ANKRD11: variants seen among roughly 807,000 people sequenced by gnomAD.
The protein encoded by ANKRD11 is ankyrin repeat domain 11.
Under a neutral mutation model 195.7 loss-of-function variants are expected in ANKRD11, and 17 were observed. That is an observed-to-expected ratio of 0.09 (90% CI 0.06 to 0.13). The LOEUF (loss-of-function observed/expected upper bound fraction) is 0.13. ANKRD11 is among the 10% of genes least tolerant of loss of function. The pLI is 1.00. For synonymous variants in ANKRD11, 1,953 were observed against 1,528.1 expected (o/e 1.28, Z -6.49); for missense variants, 3,735 against 3,566.1 (o/e 1.05, Z -1.21).
chr16:89,281,148 G>A lies in ANKRD11; in HGVS notation c.5394C>T (p.Thr1798=), dbSNP rs1331868358. 6.2e-7 allele frequency: 1 copy of A among 1,613,890 alleles called. No individual in the cohort carries two copies. Among genetic ancestry groups the A allele is most frequent in the South Asian group, 1.1e-5 (1 of 91,082 alleles). Residue 1798 remains threonine, a synonymous_variant, in exon 9 of 13, where the codon ACC becomes ACT. Transcript: ENST00000301030. The surrounding 1 kb of genome is among the most constrained non-coding windows in gnomAD (Gnocchi z 5.5). ...CTCCGACGCTGAATTCTTCCTCGGG[G>A]GTCCTCCTAATGTCGACAGAGACCG... is the stretch of plus-strand genomic sequence containing the variant. ...YRSVSVDIRR[T]PEEEFSVGDK... is the part of the protein sequence containing the mutation.
intron 6 of ANKRD11, 167 bp from the exon 7 acceptor site, chr16:89,288,837 C>T: frequency 1.2e-6 from 1 of 868,188 alleles, no homozygotes; most frequent in South Asian, 1.5e-5. Flanking sequence ...CCAGAGAACC[C>T]CTAAATTCTC....
intron 2 of ANKRD11, among the ~76,000 whole-genome samples, chr16:89,389,421 A>G (rs986350362): frequency 3.9e-5 from 6 of 152,010 alleles, no homozygotes; most frequent in African/African-American, 7.2e-5. Flanking sequence ...TACATAGGAG[A>G]AAAAAAAGTC....
chr16:89,449,093 G>A (rs986872136), intron 1 of ANKRD11, among the ~76,000 whole-genome samples: 6 of 151,228 alleles, frequency 4.0e-5, no homozygotes, highest in African/African-American at 1.5e-4. Flanking sequence ...GCTCACACCT[G>A]TAATCCCAGC....
chr16:89,305,019 C>T (rs984877918), intron 4 of ANKRD11, 187 bp downstream of exon 4: 8 of 862,874 alleles, frequency 9.3e-6, no homozygotes, highest in South Asian at 5.3e-5. Context: ...GCCTGAGCCT[C>T]GGGTGCAAAG....
intron 1 of ANKRD11, among the ~76,000 whole-genome samples, chr16:89,422,452 G>A (rs1055382764): frequency 6.6e-6 from 1 of 152,226 alleles, no homozygotes; most frequent in Non-Finnish European, 1.5e-5. Flanking sequence ...GGTCTCATCG[G>A]TAAACAAGGC....
At chr16:89,275,632 G>A (rs1260698654) in intron 9 of ANKRD11, among the ~76,000 whole-genome samples, 1 of 152,170 alleles carries the variant, frequency 6.6e-6, no homozygotes, top group Non-Finnish European at 1.5e-5. Context: ...CGTGCACAGT[G>A]GAATATGAAA....
In ANKRD11 at chr16:89,441,537, G is replaced by A. The variant is rs923882331; in HGVS notation, c.-144-23169C>T. The stretch of plus-strand genomic sequence containing the variant: ...AATCCCAGCACTTTGGGAGGCCAAG[G>A]CGGGCGGATCACGAGGTCAGCAGAT... On this transcript the variant is annotated intron_variant, in intron 1 of 12. Transcript: ENST00000301030. Among the ~76,000 whole-genome samples, 4 of 152,148 alleles carry A rather than the reference G, an allele frequency of 2.6e-5. 1 individual carries two copies. Among genetic ancestry groups the A allele is most frequent in the Middle Eastern group, 6.8e-3 (2 of 292 alleles).
intron 3 of ANKRD11, among the ~76,000 whole-genome samples, chr16:89,310,648 G>A (rs2036559519): frequency 6.6e-6 from 1 of 152,188 alleles, no homozygotes; most frequent in African/African-American, 2.4e-5. Flanking sequence ...TCAGGGTACA[G>A]GTTTTGCAGC....
chr16:89,328,610 C>T lies in ANKRD11; in HGVS notation c.-59-11532G>A, dbSNP rs35940339. Reference sequence around the variant, plus strand: ...GCGTACGGGTGAATCTGCAGAGGCCCCTGCTGAGTGAGTGGACACACCCAG... The same window carrying T: ...GCGTACGGGTGAATCTGCAGAGGCCTCTGCTGAGTGAGTGGACACACCCAG... On this transcript the variant is annotated intron_variant, in intron 2 of 12. Transcript: ENST00000301030. Among the ~76,000 whole-genome samples, 1,119 of 148,614 alleles carry T rather than the reference C, an allele frequency of 7.5e-3. 3 individuals carry two copies. The highest frequency in any genetic ancestry group is 0.042 in the East Asian group (191 of 4,532).
intron 2 of ANKRD11, among the ~76,000 whole-genome samples, chr16:89,411,691 G>A (rs1021884283): frequency 1.8e-4 from 28 of 152,196 alleles, no homozygotes; most frequent in Admixed American, 6.5e-5. Context: ...TGGGATTACG[G>A]CCAGTTTACA....
chr16:89,268,761 G>A (rs1012968593), intron 12 of ANKRD11, 98 bp from the exon 13 acceptor site: 106 of 1,412,908 alleles, frequency 7.5e-5, no homozygotes, highest in East Asian at 3.0e-4. Context: ...GGCGTGATAC[G>A]GCCGTGAACC....
chr16:89,410,943 G>T (rs1394515397), intron 2 of ANKRD11, among the ~76,000 whole-genome samples: 1 of 152,248 alleles, frequency 6.6e-6, no homozygotes, highest in African/African-American at 2.4e-5. Flanking sequence ...GGCAGCTCCT[G>T]CTGCCAAAGT....
intron 4 of ANKRD11, among the ~76,000 whole-genome samples, chr16:89,303,389 G>A (rs74393563): frequency 0.034 from 5,106 of 152,254 alleles, 297 homozygotes; most frequent in East Asian, 0.26. Context: ...ACACAGCACC[G>A]CTGGGAGCTC....
intron 6 of ANKRD11, chr16:89,288,886 T>G (rs542403740): frequency 8.4e-5 from 54 of 639,382 alleles, no homozygotes; most frequent in Admixed American, 3.8e-4. Context: ...CATATCTAGC[T>G]TATTAACCCT....
intron 2 of ANKRD11, among the ~76,000 whole-genome samples, chr16:89,398,647 C>G (rs1016275355): frequency 6.6e-6 from 1 of 152,024 alleles, no homozygotes; most frequent in Non-Finnish European, 1.5e-5. Flanking sequence ...GGGGCTGAGG[C>G]AGGAGGAAGG....
chr16:89,450,563 G>A, intron 1 of ANKRD11, among the ~76,000 whole-genome samples: 1 of 152,198 alleles, frequency 6.6e-6, no homozygotes, highest in Non-Finnish European at 1.5e-5. Context: ...GAAGAGGGCT[G>A]ACAATCCCAA....
chr16:89,467,712 T>G (rs953723105), intron 1 of ANKRD11, among the ~76,000 whole-genome samples: 1 of 152,166 alleles, frequency 6.6e-6, no homozygotes, highest in Non-Finnish European at 1.5e-5. Flanking sequence ...CAAATGCTGT[T>G]GTGAATCTAA....
At chr16:89,459,943 GA>G (rs1029053693) in intron 1 of ANKRD11, among the ~76,000 whole-genome samples, 6 of 140,802 alleles carry the variant, frequency 4.3e-5, no homozygotes, top group South Asian at 2.4e-4. Context: ...CAAAAAAAAA[GA>G]AAAAAAAAAG....
chr16:89,425,982 G>A (rs1351509023), intron 1 of ANKRD11, among the ~76,000 whole-genome samples: 1 of 152,160 alleles, frequency 6.6e-6, no homozygotes, highest in Admixed American at 6.5e-5. Flanking sequence ...ACGAGAACAA[G>A]GGGGAACGAT....
Sources: gnomAD v4.1 joint callset for allele counts (sites outside exome capture counted in the v4.1 genomes callset) on GRCh38, gnomAD v4.1.1 for gene constraint, Gnocchi (gnomAD v3.1) non-coding constraint, MANE v1.5 for transcripts, NCBI Gene and HGNC (gene_info 2026-07-23, HGNC 2026-07-21) for gene names.